The following GPC6 variants were observed in gnomAD, a reference collection of about 807,000 sequenced individuals.
The protein encoded by GPC6 is glypican-6.
GPC6 carries 14 observed loss-of-function variants against 55.2 expected under a neutral mutation model. The observed-to-expected ratio is 0.25, with a 90% confidence interval of 0.17 to 0.40. The LOEUF (loss-of-function observed/expected upper bound fraction) is 0.40. GPC6 is among the 10% of genes least tolerant of loss of function. GPC6 has a pLI of 1.00. For missense variants in GPC6, 641 were observed against 708.5 expected (o/e 0.90, Z 1.08); for synonymous variants, 278 against 259.6 (o/e 1.07, Z -0.68).
chr13:93,721,956 A>G (rs561175950), intron 2 of GPC6, among the ~76,000 whole-genome samples: 2 of 151,836 alleles, frequency 1.3e-5, no homozygotes, highest in African/African-American at 2.4e-5. Flanking sequence ...AAAAATTCTA[A>G]GTAATGTTTT....
At position 93,490,775 on chromosome 13, in the gene GPC6, T is replaced by C. The variant is rs1318576815; in HGVS notation, c.161-54488T>C. 3.4e-5 allele frequency among the ~76,000 whole-genome samples: 4 copies of C among 119,204 alleles called. 1 individual carries two copies. Among genetic ancestry groups the C allele is most frequent in the Non-Finnish European group, 1.7e-5 (1 of 58,728 alleles). The allele number at this position is 119,204 out of a possible 152,430, so 78.2% of individuals were successfully genotyped here. On this transcript the variant is annotated intron_variant, in intron 1 of 8. Transcript: ENST00000377047. ...ATGAGTGAGAATATGCGGTGTTTGG[T>C]TTTTTGTTCTTGCGATAGTTTACTG...
At chr13:93,289,488 C>A (rs1878249809) in intron 1 of GPC6, among the ~76,000 whole-genome samples, 1 of 152,122 alleles carries the variant, frequency 6.6e-6, no homozygotes, top group Non-Finnish European at 1.5e-5. Flanking sequence ...AAGTGTCGAT[C>A]TCTTTTTAAG....
At chr13:93,666,464 A>G (rs2139620301) in intron 2 of GPC6, among the ~76,000 whole-genome samples, 1 of 152,296 alleles carries the variant, frequency 6.6e-6, no homozygotes, top group Middle Eastern at 3.4e-3. Context: ...ATCAATGCAG[A>G]CAAAAATGCC....
In GPC6 at chr13:94,407,823, A is replaced by G. The variant is rs1881425818; in HGVS notation, c.*4606A>G. On this transcript the variant is annotated 3_prime_UTR_variant, in exon 9 of 9. Transcript: ENST00000377047. The stretch of plus-strand genomic sequence containing the variant: ...CTCTCAGGCATGCTAAATATTGTAT[A>G]ACCTGCTAAAGATTTATTTCACAAA... Among the ~76,000 whole-genome samples, 1 of 152,186 alleles carries G rather than the reference A, an allele frequency of 6.6e-6. No individual in the cohort carries two copies. The highest frequency in any genetic ancestry group is 2.4e-5 in the African/African-American group (1 of 41,462).
At chr13:93,618,845 G>T (rs867059707) in intron 2 of GPC6, among the ~76,000 whole-genome samples, 9 of 152,060 alleles carry the variant, frequency 5.9e-5, no homozygotes, top group Admixed American at 1.3e-4. Context: ...TAATGATGGG[G>T]ATACCTTTTG....
At chr13:93,334,207 A>T (rs1383325517) in intron 1 of GPC6, among the ~76,000 whole-genome samples, 1 of 151,810 alleles carries the variant, frequency 6.6e-6, no homozygotes, top group Non-Finnish European at 1.5e-5. Flanking sequence ...TTGTTTCTGG[A>T]TTCTGTTCTA....
chr13:94,048,608 T>G (rs1409258897), intron 4 of GPC6, among the ~76,000 whole-genome samples: 1 of 151,172 alleles, frequency 6.6e-6, no homozygotes, highest in Non-Finnish European at 1.5e-5. Flanking sequence ...GCTGTGGGGT[T>G]CAGAAAAAAA....
chr13:94,346,450 C>T (rs1480400591), intron 6 of GPC6, among the ~76,000 whole-genome samples: 4 of 152,210 alleles, frequency 2.6e-5, no homozygotes, highest in Admixed American at 6.5e-5. Context: ...TGGCCGGGCA[C>T]GGTGGCTCAC....
At chr13:93,939,233 T>C (rs1439808772) in intron 3 of GPC6, among the ~76,000 whole-genome samples, 4 of 151,478 alleles carry the variant, frequency 2.6e-5, no homozygotes, top group African/African-American at 4.8e-5. Flanking sequence ...GTTTAGATTG[T>C]CAAAAAAGAG....
chr13:94,401,963 T>C (rs1411226526), intron 8 of GPC6, among the ~76,000 whole-genome samples: 1 of 152,172 alleles, frequency 6.6e-6, no homozygotes, highest in Non-Finnish European at 1.5e-5. Flanking sequence ...GATAGATAGA[T>C]AGATAGATAA....
At chr13:93,734,013 A>C (rs1435740928) in intron 2 of GPC6, among the ~76,000 whole-genome samples, 1 of 152,186 alleles carries the variant, frequency 6.6e-6, no homozygotes, top group Non-Finnish European at 1.5e-5. Flanking sequence ...CCTAGCCAAC[A>C]TTAAGGTTTA....
intron 4 of GPC6, among the ~76,000 whole-genome samples, chr13:94,266,151 C>CTTTTTTTTTTTTT (rs111623457): frequency 7.0e-6 from 1 of 142,818 alleles, no homozygotes; most frequent in Non-Finnish European, 1.5e-5. Flanking sequence ...CTTTTCTTTT[C>CTTTTTTTTTTTTT]TTTTTTTTTT....
intron 6 of GPC6, among the ~76,000 whole-genome samples, chr13:94,363,193 T>C (rs980913593): frequency 1.3e-5 from 2 of 152,180 alleles, no homozygotes; most frequent in Non-Finnish European, 1.5e-5. Flanking sequence ...TTGTGAGAAA[T>C]TCATCAAACT....
chr13:93,489,484 G>C (rs1277799280), intron 1 of GPC6, among the ~76,000 whole-genome samples: 1 of 151,332 alleles, frequency 6.6e-6, no homozygotes, highest in Non-Finnish European at 1.5e-5. Flanking sequence ...GAACTTTAAA[G>C]TAGTTTTTTC....
chr13:94,203,907 T>C (rs540921598), intron 4 of GPC6, among the ~76,000 whole-genome samples: 3 of 152,278 alleles, frequency 2.0e-5, no homozygotes, highest in Non-Finnish European at 2.9e-5. Context: ...TCTTGTATTA[T>C]AGTTTTTCTG....
intron 3 of GPC6, among the ~76,000 whole-genome samples, chr13:93,902,017 C>A (rs1435761353): frequency 1.3e-5 from 2 of 151,500 alleles, no homozygotes; most frequent in East Asian, 3.9e-4. Context: ...CAAATCAGGG[C>A]AATTTAGCAT....
chr13:93,497,217 C>A (rs1880337681), intron 1 of GPC6, among the ~76,000 whole-genome samples: 1 of 152,158 alleles, frequency 6.6e-6, no homozygotes, highest in African/African-American at 2.4e-5. Context: ...CAGATAGTAG[C>A]CTAGGGCATC....
At chr13:94,342,011 A>T (rs948337356) in intron 6 of GPC6, among the ~76,000 whole-genome samples, 8 of 152,256 alleles carry the variant, frequency 5.3e-5, no homozygotes, top group African/African-American at 1.9e-4. Context: ...TAGGGTTCCC[A>T]TATCACTGCA....
intron 1 of GPC6, among the ~76,000 whole-genome samples, chr13:93,403,560 A>G (rs1876173277): frequency 6.6e-6 from 1 of 152,174 alleles, no homozygotes; most frequent in Non-Finnish European, 1.5e-5. Flanking sequence ...TCTTTTGTAG[A>G]TATTTGGTTA....
Sources: gnomAD v4.1 joint callset for allele counts (sites outside exome capture counted in the v4.1 genomes callset) on GRCh38, gnomAD v4.1.1 for gene constraint, MANE v1.5 for transcripts, NCBI Gene and HGNC (gene_info 2026-07-23, HGNC 2026-07-21) for gene names.